DGKG: variants seen among roughly 807,000 people sequenced by gnomAD.
DGKG encodes the protein DAG kinase gamma.
In DGKG, 78 loss-of-function variants were observed where a neutral mutation model predicts 105.3. That is an observed-to-expected ratio of 0.74 (90% CI 0.62 to 0.89). DGKG has a LOEUF of 0.89. Among genes scored for constraint, DGKG ranks in the 40% least tolerant of loss-of-function variants. The pLI is 0.00. For synonymous variants in DGKG, 346 were observed against 367.1 expected, an observed-to-expected ratio of 0.94 and a Z score of 0.66; for missense variants, 958 against 1,020.1, an observed-to-expected ratio of 0.94 and a Z score of 0.83.
chr3:186,348,053 GC>G (rs1243285983), intron 1 of DGKG, among the ~76,000 whole-genome samples: 1 of 152,126 alleles, frequency 6.6e-6, no homozygotes, highest in African/African-American at 2.4e-5. Flanking sequence ...GTTTCCCACA[GC>G]ACAAAATGAG....
intron 1 of DGKG, among the ~76,000 whole-genome samples, chr3:186,360,855 G>A (rs547555835): frequency 6.6e-6 from 1 of 152,244 alleles, no homozygotes; most frequent in Non-Finnish European, 1.5e-5. Context: ...AAGTGTCGTC[G>A]CCAAGCCCCC....
At chr3:186,311,179 C>G (rs1045580702) in intron 2 of DGKG, among the ~76,000 whole-genome samples, 16 of 152,110 alleles carry the variant, frequency 1.1e-4, no homozygotes, top group African/African-American at 3.9e-4. Context: ...ACCCAGGACA[C>G]AGTATAATTT....
intron 1 of DGKG, among the ~76,000 whole-genome samples, chr3:186,360,997 C>T (rs998915600): frequency 8.5e-5 from 13 of 152,236 alleles, no homozygotes; most frequent in African/African-American, 2.9e-4. Flanking sequence ...CGCTCCCGGG[C>T]ACCACTGCGG....
chr3:186,164,838 T>C, intron 23 of DGKG, 60 bp downstream of exon 23: 1 of 1,531,166 alleles, frequency 6.5e-7, no homozygotes, highest in African/African-American at 1.4e-5. Context: ...CTCAGTTGTC[T>C]GCATGAATGT....
intron 1 of DGKG, among the ~76,000 whole-genome samples, chr3:186,325,477 A>T (rs746125766): frequency 1.1e-4 from 17 of 152,172 alleles, no homozygotes; most frequent in Non-Finnish European, 2.2e-4. Flanking sequence ...ACTTGATCTG[A>T]TACTGCTCCA....
chr3:186,210,864 A>C lies in DGKG; in HGVS notation c.1917+931T>G, dbSNP rs914880738. On this transcript the variant is annotated intron_variant, in intron 21 of 24. Coordinates refer to ENST00000265022, the MANE Select transcript of DGKG (RefSeq NM_001346.3). The surrounding 1 kb of genome is among the most constrained non-coding windows in gnomAD (Gnocchi z 5.2). ...AATCCCACGGGAAGGTAGGCCTGGT[A>C]GCAAGAACTCTGGGCAAGAGAACCA... is the stretch of plus-strand genomic sequence containing the variant. Among the ~76,000 whole-genome samples, 19 of 152,234 alleles carry C rather than the reference A, an allele frequency of 1.2e-4. No individual in the cohort carries two copies. The highest frequency in any genetic ancestry group is 7.3e-5 in the Non-Finnish European group (5 of 68,034).
chr3:186,190,488 G>A (rs942781739), intron 21 of DGKG, among the ~76,000 whole-genome samples: 4 of 152,132 alleles, frequency 2.6e-5, no homozygotes, highest in Non-Finnish European at 4.4e-5. Flanking sequence ...AGTTCAGCAC[G>A]TTATCCATTA....
chr3:186,281,530 T>G (rs1230153585), intron 7 of DGKG, among the ~76,000 whole-genome samples: 5 of 152,224 alleles, frequency 3.3e-5, no homozygotes, highest in Non-Finnish European at 5.9e-5. Context: ...GACATGTTGG[T>G]AGACTGAAGC....
chr3:186,308,448 C>T lies in DGKG; in HGVS notation c.68-1471G>A, dbSNP rs544975306. 3.2e-4 allele frequency among the ~76,000 whole-genome samples: 49 copies of T among 152,166 alleles called. 1 individual carries two copies. The highest frequency in any genetic ancestry group is 2.9e-3 in the Admixed American group (44 of 15,280). On this transcript the variant is annotated intron_variant, in intron 2 of 24. Transcript: ENST00000265022. ...CTATTTAAACATCTGAGCCAAAGGA[C>T]GATGTTATTAAAAGCTCACACAGTG...
At chr3:186,272,872 C>T (rs961668204) in intron 10 of DGKG, among the ~76,000 whole-genome samples, 1 of 152,056 alleles carries the variant, frequency 6.6e-6, no homozygotes, top group South Asian at 2.1e-4. Context: ...GCGTTACAGG[C>T]GTGCACCACC....
chr3:186,309,727 T>G (rs1724426126), intron 2 of DGKG, among the ~76,000 whole-genome samples: 1 of 152,192 alleles, frequency 6.6e-6, no homozygotes, highest in African/African-American at 2.4e-5. Context: ...TAATTTCAAT[T>G]GAATATATGA....
At chr3:186,321,123 A>G (rs1725055519) in intron 1 of DGKG, among the ~76,000 whole-genome samples, 1 of 152,140 alleles carries the variant, frequency 6.6e-6, no homozygotes, top group Non-Finnish European at 1.5e-5. Context: ...TTCTGGAATA[A>G]CCCCAAGGCT....
At chr3:186,161,338 C>A (rs538977963) in intron 24 of DGKG, 24 of 1,319,380 alleles carry the variant, frequency 1.8e-5, no homozygotes, top group Non-Finnish European at 2.3e-5. Flanking sequence ...AATTCACTGA[C>A]TAGAACTGTG....
At chr3:186,251,970 T>C (rs1721248706) in intron 18 of DGKG, 51 bp from the exon 19 acceptor site, 1 of 1,499,222 alleles carries the variant, frequency 6.7e-7, no homozygotes, top group African/African-American at 1.4e-5. Flanking sequence ...GCTGTATTCT[T>C]GCTAATGCAC....
intron 11 of DGKG, among the ~76,000 whole-genome samples, chr3:186,271,232 C>T (rs1176547162): frequency 1.3e-5 from 2 of 152,286 alleles, no homozygotes; most frequent in South Asian, 2.1e-4. Flanking sequence ...TGGAGAATGG[C>T]GTCACCCAAT....
intron 22 of DGKG, among the ~76,000 whole-genome samples, chr3:186,185,793 G>A (rs1578636639): frequency 1.3e-5 from 2 of 152,172 alleles, no homozygotes. Context: ...GTGAAATAAA[G>A]GGGACTTAAG....
intron 3 of DGKG, among the ~76,000 whole-genome samples, chr3:186,305,301 T>C (rs1399125992): frequency 2.6e-5 from 4 of 152,092 alleles, no homozygotes; most frequent in African/African-American, 7.2e-5. Context: ...TGGAAGGTGG[T>C]AAGATAATGG....
chr3:186,279,643 T>A (rs927613147), intron 9 of DGKG: 3 of 473,818 alleles, frequency 6.3e-6, no homozygotes, highest in African/African-American at 6.0e-5. Context: ...ATTTTTAAAG[T>A]AGTAATAATG....
chr3:186,294,536 CAAAAAAAAA>C (rs10574886), intron 5 of DGKG, among the ~76,000 whole-genome samples: 2 of 106,880 alleles, frequency 1.9e-5, no homozygotes, highest in Non-Finnish European at 1.9e-5. Flanking sequence ...AACTCTGTCT[CAAAAAAAAA>C]AAAAAAAAAA....
Sources: gnomAD v4.1 joint callset for allele counts (sites outside exome capture counted in the v4.1 genomes callset) on GRCh38, gnomAD v4.1.1 for gene constraint, Gnocchi (gnomAD v3.1) non-coding constraint, MANE v1.5 for transcripts, NCBI Gene and HGNC (gene_info 2026-07-23, HGNC 2026-07-21) for gene names.